The following SESN3 variants were observed in gnomAD, a reference collection of about 807,000 sequenced individuals.
The protein encoded by SESN3 is sestrin-3.
Under a neutral mutation model 55.3 loss-of-function variants are expected in SESN3, and 21 were observed. That is an observed-to-expected ratio of 0.38 (90% CI 0.27 to 0.55). The LOEUF is 0.55. SESN3 is among the 20% of genes least tolerant of loss of function. The pLI is 0.76. For synonymous variants in SESN3, 181 were observed against 203.1 expected (o/e 0.89, Z 0.93); for missense variants, 408 against 604.3 (o/e 0.68, Z 3.41).
rs572955162 is a variant in SESN3 at position 95,220,757 on chromosome 11, A to G, written c.78+10026T>C. 8.5e-5 allele frequency among the ~76,000 whole-genome samples: 13 copies of G among 152,336 alleles called. No homozygotes were observed. In the East Asian group the frequency reaches 1.7e-3, roughly 20 times the overall value. On this transcript the variant is annotated intron_variant, in intron 1 of 9. Coordinates refer to ENST00000536441, the MANE Select transcript of SESN3 (RefSeq NM_144665.4). ...GACAAGGCAGTGTTTATACCTGCAT[A>G]ATGAGCCAGGCTTTGGAGTTCAACC...
At position 95,185,375 on chromosome 11, in the gene SESN3, C is replaced by G; in HGVS notation, c.643G>C (p.Glu215Gln). The change falls in exon 5 of 10, where the codon GAG becomes CAG. Residue 215 changes from glutamate (E) to glutamine (Q), a missense_variant. By Grantham distance (29) the Glu-to-Gln change is conservative (BLOSUM62 2). This residue lies in a region of SESN3 where 119 missense variants were observed against 139.9 expected (regional missense o/e 0.85). Transcript: ENST00000536441. ...SFVFGSGINP[E>Q]RDPEISNGFR... ...CCATTGGAGATTTCTGGATCTCTCTCTGGATTGATACCACTACCAAAAACA... is the reference window on the plus strand; with the variant it reads ...CCATTGGAGATTTCTGGATCTCTCTGTGGATTGATACCACTACCAAAAACA... 1 of 1,613,012 alleles carries G rather than the reference C, an allele frequency of 6.2e-7. No homozygotes were observed. The highest frequency in any genetic ancestry group is 8.5e-7 in the Non-Finnish European group (1 of 1,179,200).
chr11:95,193,634 T>C (rs1223732895), intron 1 of SESN3, 112 bp from the exon 2 acceptor site: 4 of 648,332 alleles, frequency 6.2e-6, no homozygotes, highest in Non-Finnish European at 1.1e-5. Context: ...AATTAAATTA[T>C]GTGAGACCAG....
At chr11:95,205,962 C>G (rs1325024935) in intron 1 of SESN3, among the ~76,000 whole-genome samples, 7 of 152,090 alleles carry the variant, frequency 4.6e-5, no homozygotes, top group Non-Finnish European at 1.0e-4. Flanking sequence ...ATTCTGGCCC[C>G]TAACCTAACT....
intron 1 of SESN3, among the ~76,000 whole-genome samples, chr11:95,229,782 C>T (rs1861017510): frequency 6.6e-6 from 1 of 152,154 alleles, no homozygotes; most frequent in Non-Finnish European, 1.5e-5. Flanking sequence ...GATGCATTTG[C>T]ACAGCTCAGC....
At chr11:95,218,719 C>T (rs989217596) in intron 1 of SESN3, among the ~76,000 whole-genome samples, 6 of 147,342 alleles carry the variant, frequency 4.1e-5, no homozygotes, top group Non-Finnish European at 7.4e-5. Flanking sequence ...GGCGCGATCT[C>T]AGCTTACTGC....
intron 4 of SESN3, among the ~76,000 whole-genome samples, chr11:95,188,369 C>T (rs1054029775): frequency 6.6e-6 from 1 of 151,620 alleles, no homozygotes; most frequent in African/African-American, 2.4e-5. Context: ...TGAGAATATA[C>T]ACACATACAC....
At chr11:95,229,263 C>T (rs1458453) in intron 1 of SESN3, among the ~76,000 whole-genome samples, 39,776 of 152,016 alleles carry the variant, frequency 0.26, 5,668 homozygotes, top group Non-Finnish European at 0.32. Flanking sequence ...GAGTTAACAT[C>T]CAACTAAGCT....
At position 95,185,276 on chromosome 11, in the gene SESN3, G is replaced by C; in HGVS notation, c.742C>G (p.Leu248Val). 1 of 1,608,170 alleles carries C rather than the reference G, an allele frequency of 6.2e-7. No individual in the cohort carries two copies. Among genetic ancestry groups the C allele is most frequent in the Non-Finnish European group, 8.5e-7 (1 of 1,175,888 alleles). ...ANDNNIENASLSGSNFGIVDS... is the reference protein window; with the variant it reads ...ANDNNIENASVSGSNFGIVDS... The stretch of plus-strand genomic sequence containing the variant: ...CTAACCCCAAAGTTGCTGCCTGAAA[G>C]AGATGCATTCTCTATGTTGTTGTCA... The change falls in exon 5 of 10, where the codon CTT becomes GTT. Residue 248 changes from leucine (L) to valine (V), a missense_variant. Transcript: ENST00000536441.
At chr11:95,215,169 C>T (rs1385733375) in intron 1 of SESN3, among the ~76,000 whole-genome samples, 1 of 149,720 alleles carries the variant, frequency 6.7e-6, no homozygotes, top group East Asian at 2.0e-4. Context: ...GTACTAAATT[C>T]TTAGAGTATT....
chr11:95,205,067 C>T (rs774726021), intron 1 of SESN3, among the ~76,000 whole-genome samples: 1 of 152,078 alleles, frequency 6.6e-6, no homozygotes, highest in African/African-American at 2.4e-5. Flanking sequence ...TGTCAGGATA[C>T]GTAGAAAAGG....
chr11:95,204,530 G>A lies in SESN3; in HGVS notation c.79-11008C>T, dbSNP rs143635743. 1.7e-4 allele frequency among the ~76,000 whole-genome samples: 26 copies of A among 152,102 alleles called. 1 individual carries two copies. In the East Asian group the frequency reaches 5.0e-3, roughly 29 times the overall value. On this transcript the variant is annotated intron_variant, in intron 1 of 9. Transcript: ENST00000536441. The stretch of plus-strand genomic sequence containing the variant: ...TGAAATCCTAACCCCCAATGTGATG[G>A]TATTAGGAGGTGGGGCCTTTGGAAG...
rs1303740765 is a variant in SESN3 at position 95,214,469 on chromosome 11, T to C, written c.78+16314A>G. ...TGCTTTTCAAAGAGCAATCTTCTAT[T>C]TACCTATGGTCCATATATAATACAC... On this transcript the variant is annotated intron_variant, in intron 1 of 9. Transcript: ENST00000536441. Among the ~76,000 whole-genome samples the C allele has an allele frequency of 3.3e-5, 5 of 152,334 alleles. No homozygotes were observed. In the Middle Eastern group the frequency reaches 0.01, roughly 311 times the overall value.
intron 1 of SESN3, among the ~76,000 whole-genome samples, chr11:95,215,418 G>A (rs1860733517): frequency 6.6e-6 from 1 of 152,130 alleles, no homozygotes; most frequent in Non-Finnish European, 1.5e-5. Flanking sequence ...TTCTCAAAAT[G>A]AAACATTTTA....
At chr11:95,176,811 TATG>T (rs1859965490) in intron 8 of SESN3, among the ~76,000 whole-genome samples, 1 of 152,188 alleles carries the variant, frequency 6.6e-6, no homozygotes. Flanking sequence ...AGTAGGTAGA[TATG>T]ATATATATGT....
At chr11:95,209,115 T>C (rs980917441) in intron 1 of SESN3, among the ~76,000 whole-genome samples, 2 of 151,130 alleles carry the variant, frequency 1.3e-5, no homozygotes, top group South Asian at 2.1e-4. Flanking sequence ...AAAGAAACTA[T>C]CATCAGAGTG....
chr11:95,217,496 A>G (rs1412133283), intron 1 of SESN3, among the ~76,000 whole-genome samples: 1 of 152,052 alleles, frequency 6.6e-6, no homozygotes. Flanking sequence ...TACTAAAAAT[A>G]CAAAAATTAG....
rs1010810949 is a variant in SESN3 at position 95,184,719 on chromosome 11, G to C, written c.763-125C>G. On this transcript the variant is annotated intron_variant, in intron 5 of 9. Coordinates refer to ENST00000536441, the MANE Select transcript of SESN3 (RefSeq NM_144665.4). ...GGCACAGTTATGAAGTTCTTAAGTCGGTTTTTCACCAATTTCAAAGGAAAT... is the reference window on the plus strand; with the variant it reads ...GGCACAGTTATGAAGTTCTTAAGTCCGTTTTTCACCAATTTCAAAGGAAAT... 3.9e-6 allele frequency: 3 copies of C among 762,736 alleles called. No individual in the cohort carries two copies. In the African/African-American group the frequency reaches 5.3e-5, roughly 13 times the overall value. 47.2% of individuals were successfully genotyped at this position (762,736 alleles called of 1,614,324 possible).
At position 95,230,018 on chromosome 11, in the gene SESN3, G is replaced by C. The variant is rs1861023005; in HGVS notation, c.78+765C>G. 6.6e-6 allele frequency among the ~76,000 whole-genome samples: 1 copy of C among 151,910 alleles called. No individual in the cohort carries two copies. Among genetic ancestry groups the C allele is most frequent in the African/African-American group, 2.4e-5 (1 of 41,318 alleles). On this transcript the variant is annotated intron_variant, in intron 1 of 9. Coordinates refer to ENST00000536441, the MANE Select transcript of SESN3 (RefSeq NM_144665.4). This position sits in a 1 kb window ranked among gnomAD's most constrained non-coding sequence, Gnocchi z 4.6. The stretch of plus-strand genomic sequence containing the variant: ...AAGCCAAGTAAGCTAAACAATACTG[G>C]AGTAAACTTTCTATCAGTCACTCTA...
chr11:95,178,046 T>A, intron 7 of SESN3, 137 bp from the exon 8 acceptor site: 1 of 621,250 alleles, frequency 1.6e-6, no homozygotes, highest in East Asian at 3.0e-5. Context: ...TACTAAGGCT[T>A]TACCAATAAC....
Sources: gnomAD v4.1 joint callset for allele counts (sites outside exome capture counted in the v4.1 genomes callset) on GRCh38, gnomAD v4.1.1 for gene constraint, gnomAD v4.1.1 regional missense constraint, Gnocchi (gnomAD v3.1) non-coding constraint, MANE v1.5 for transcripts, NCBI Gene and HGNC (gene_info 2026-07-23, HGNC 2026-07-21) for gene names.